KCNK10: variants seen among roughly 807,000 people sequenced by gnomAD.
The protein encoded by KCNK10 is potassium two pore domain channel subfamily K member 10, also known as potassium channel subfamily K member 10.
KCNK10 carries 25 observed loss-of-function variants against 47.7 expected under a neutral mutation model. The observed-to-expected ratio is 0.52, with a 90% CI of 0.38 to 0.73. The LOEUF is 0.73. KCNK10 is among the 30% of genes least tolerant of loss of function. The pLI, the probability that KCNK10 is intolerant of heterozygous loss-of-function variation, is 0.00. For missense variants in KCNK10, 563 were observed against 714.5 expected (o/e 0.79, Z 2.42); for synonymous variants, 303 against 285.6 (o/e 1.06, Z -0.61).
At chr14:88,204,181 T>G (rs1261382186) in intron 4 of KCNK10, among the ~76,000 whole-genome samples, 11 of 152,084 alleles carry the variant, frequency 7.2e-5, no homozygotes. Context: ...GGGAGAGGGC[T>G]AAGAAGAGAA....
chr14:88,250,583 A>G (rs1886765590), intron 2 of KCNK10, among the ~76,000 whole-genome samples: 1 of 152,214 alleles, frequency 6.6e-6, no homozygotes, highest in Non-Finnish European at 1.5e-5. Flanking sequence ...AAGTCACAAC[A>G]AGGATTTCCA....
chr14:88,281,726 CCATATA>C (rs1887653710), intron 1 of KCNK10, among the ~76,000 whole-genome samples: 1 of 90,666 alleles, frequency 1.1e-5, no homozygotes, highest in African/African-American at 3.9e-5. Context: ...CTCTCTCTCT[CCATATA>C]TATATATATA....
chr14:88,288,444 C>G (rs909413593), intron 1 of KCNK10, among the ~76,000 whole-genome samples: 2 of 152,186 alleles, frequency 1.3e-5, no homozygotes, highest in African/African-American at 4.8e-5. Flanking sequence ...ACACCCACAG[C>G]CAGTCCAGCC....
intron 1 of KCNK10, among the ~76,000 whole-genome samples, chr14:88,321,897 C>T (rs922513838): frequency 2.0e-5 from 3 of 152,218 alleles, no homozygotes; most frequent in African/African-American, 7.2e-5. Flanking sequence ...ACTGGACACG[C>T]GGTTCCAACT....
intron 1 of KCNK10, among the ~76,000 whole-genome samples, chr14:88,291,191 C>A (rs1439818746): frequency 6.6e-6 from 1 of 152,232 alleles, no homozygotes; most frequent in Non-Finnish European, 1.5e-5. Flanking sequence ...AGTTTTCTAA[C>A]TGTGCACAGA....
intron 3 of KCNK10, among the ~76,000 whole-genome samples, chr14:88,231,986 AG>A (rs1886172319): frequency 6.6e-6 from 1 of 152,236 alleles, no homozygotes; most frequent in African/African-American, 2.4e-5. Flanking sequence ...ATGTCTGAAA[AG>A]TACATAACCT....
At chr14:88,326,657 G>T, upstream of KCNK10, 1 of 585,360 alleles carries the variant, frequency 1.7e-6, no homozygotes, top group Non-Finnish European at 3.0e-6. Context: ...ACTGCGTCCT[G>T]GGTGCACTCG....
At chr14:88,228,202 C>T (rs1027610687) in intron 3 of KCNK10, among the ~76,000 whole-genome samples, 4 of 152,168 alleles carry the variant, frequency 2.6e-5, no homozygotes, top group Non-Finnish European at 5.9e-5. Context: ...GCCCAACTAC[C>T]TCTTGCATTG....
chr14:88,214,180 C>A (rs571413351), intron 4 of KCNK10, among the ~76,000 whole-genome samples: 6 of 151,950 alleles, frequency 3.9e-5, no homozygotes, highest in Admixed American at 3.9e-4. Flanking sequence ...CTCAGGTGAT[C>A]CGCCCACCTC....
chr14:88,324,084 G>C (rs1304301515), upstream of KCNK10, among the ~76,000 whole-genome samples: 2 of 152,226 alleles, frequency 1.3e-5, no homozygotes, highest in Admixed American at 6.5e-5. Flanking sequence ...CTTGAGAGAG[G>C]CACGGGGGCC....
At chr14:88,252,363 C>T (rs1349099128) in intron 2 of KCNK10, among the ~76,000 whole-genome samples, 1 of 152,062 alleles carries the variant, frequency 6.6e-6, no homozygotes, top group Non-Finnish European at 1.5e-5. Flanking sequence ...GCATCTAGCA[C>T]AGTAGGCAAT....
intron 4 of KCNK10, among the ~76,000 whole-genome samples, chr14:88,218,378 A>C (rs2025018): frequency 0.17 from 25,275 of 152,172 alleles, 2,710 homozygotes; most frequent in East Asian, 0.4. Context: ...TAACCGTATT[A>C]GCACTTTGAG....
intron 1 of KCNK10, among the ~76,000 whole-genome samples, chr14:88,276,440 G>A (rs1335599298): frequency 2.0e-5 from 3 of 152,024 alleles, no homozygotes; most frequent in African/African-American, 7.3e-5. Flanking sequence ...TCAGTCTATG[G>A]TATTTCATTA....
chr14:88,306,520 C>T (rs1271042880), intron 1 of KCNK10, among the ~76,000 whole-genome samples: 3 of 152,170 alleles, frequency 2.0e-5, no homozygotes, highest in African/African-American at 4.8e-5. Flanking sequence ...ATCATGATAG[C>T]TCATTCCCTG....
At chr14:88,211,811 G>T (rs1409041381) in intron 4 of KCNK10, among the ~76,000 whole-genome samples, 2 of 150,830 alleles carry the variant, frequency 1.3e-5, no homozygotes, top group African/African-American at 4.9e-5. Flanking sequence ...CAGGAGAATT[G>T]CTTGAACCTG....
At chr14:88,197,107 G>A (rs1884938108) in intron 4 of KCNK10, among the ~76,000 whole-genome samples, 2 of 152,112 alleles carry the variant, frequency 1.3e-5, no homozygotes, top group South Asian at 4.2e-4. Context: ...ACAGAAAAAA[G>A]TTTATATCCA....
chr14:88,235,085 A>T, intron 3 of KCNK10: 1 of 456,622 alleles, frequency 2.2e-6, no homozygotes, highest in Non-Finnish European at 4.4e-6. Context: ...CCTGAACTTG[A>T]TCTGGTTCAG....
chr14:88,233,759 A>G (rs779684395), intron 3 of KCNK10, among the ~76,000 whole-genome samples: 1 of 152,240 alleles, frequency 6.6e-6, no homozygotes, highest in Admixed American at 6.5e-5. Flanking sequence ...TCAATAAACC[A>G]AGTTCCTGGA....
chr14:88,252,841 G>GAGAGCT (rs1340200207), intron 2 of KCNK10, among the ~76,000 whole-genome samples: 1 of 152,172 alleles, frequency 6.6e-6, no homozygotes, highest in East Asian at 1.9e-4. Context: ...GGACAGGAGA[G>GAGAGCT]AGAGCTCTGC....
Sources: allele counts gnomAD v4.1 joint callset (sites outside exome capture counted in the v4.1 genomes callset), GRCh38; gene constraint gnomAD v4.1.1; transcripts MANE v1.5; gene names NCBI Gene and HGNC (gene_info 2026-07-23, HGNC 2026-07-21).